The following STAG1 variants were observed in gnomAD, a reference collection of about 807,000 sequenced individuals.
The protein encoded by STAG1 is cohesin subunit SA-1.
A neutral mutation model predicts 170.9 loss-of-function variants in STAG1; 26 were observed. The observed-to-expected ratio is 0.15, with a 90% CI of 0.11 to 0.21. STAG1 has a LOEUF of 0.21. STAG1 is among the 10% of genes least tolerant of loss of function. The probability of loss-of-function intolerance (pLI) is 1.00; values close to 1 mark genes in which losing one functional copy is unlikely to be tolerated. For missense variants in STAG1, 964 were observed against 1,509.5 expected (o/e 0.64, Z 5.99); for synonymous variants, 514 against 497.7 (o/e 1.03, Z -0.44).
intron 22 of STAG1, among the ~76,000 whole-genome samples, chr3:136,384,167 T>C (rs368979053): frequency 2.0e-5 from 3 of 151,640 alleles, no homozygotes; most frequent in East Asian, 3.9e-4. Context: ...AGTAAGAAAT[T>C]TGGCTGGGTG....
chr3:136,714,324 A>T (rs1943463620), intron 1 of STAG1, among the ~76,000 whole-genome samples: 1 of 152,228 alleles, frequency 6.6e-6, no homozygotes, highest in South Asian at 2.1e-4. Context: ...GGCCAAGCAC[A>T]GTAGCTCACA....
chr3:136,419,925 TTACAG>T (rs1369783885), intron 20 of STAG1, among the ~76,000 whole-genome samples: 1 of 152,062 alleles, frequency 6.6e-6, no homozygotes, highest in Non-Finnish European at 1.5e-5. Flanking sequence ...AGCTAAATCA[TTACAG>T]TAAATAAATT....
intron 3 of STAG1, among the ~76,000 whole-genome samples, chr3:136,617,175 T>G (rs964313275): frequency 6.6e-6 from 1 of 152,220 alleles, no homozygotes; most frequent in Non-Finnish European, 1.5e-5. Context: ...TGCAATTGGT[T>G]TGTCAGTGTC....
At position 136,443,305 on chromosome 3, in the gene STAG1, G is replaced by T; in HGVS notation, c.1528C>A (p.Pro510Thr). 1 of 1,611,870 alleles carries T rather than the reference G, an allele frequency of 6.2e-7. No individual in the cohort carries two copies. Among genetic ancestry groups the T allele is most frequent in the Non-Finnish European group, 8.5e-7 (1 of 1,178,414 alleles). ...ACTATACCTTCCTCTCCTTGAACAG[G>T]TTCTTCTAATAGCAACTCTGTCATA... ...ECMTELLLEEPVQGEEAMSDR... is the reference protein window; with the variant it reads ...ECMTELLLEETVQGEEAMSDR... The change falls in exon 15 of 34, where the codon CCT (proline) becomes ACT (threonine). Residue 510 changes from proline (P) to threonine (T), a missense_variant. By Grantham distance (38) the Pro-to-Thr change is conservative (BLOSUM62 -1). This residue lies in a region of STAG1 where 162 missense variants were observed against 211.2 expected (regional missense o/e 0.77). Transcript: ENST00000383202.
chr3:136,429,852 T>A (rs912403145), intron 16 of STAG1, among the ~76,000 whole-genome samples: 1 of 152,186 alleles, frequency 6.6e-6, no homozygotes, highest in Non-Finnish European at 1.5e-5. Flanking sequence ...AGTTAATAAA[T>A]AGTAAATATA....
At chr3:136,406,639 C>G (rs2087492021) in intron 21 of STAG1, among the ~76,000 whole-genome samples, 1 of 151,928 alleles carries the variant, frequency 6.6e-6, no homozygotes, top group African/African-American at 2.4e-5. Flanking sequence ...TGATGCAAAT[C>G]CTCAGTGATA....
rs143905734 is a variant in STAG1 at position 136,545,060 on chromosome 3, T to C, written c.395-2865A>G. Among the ~76,000 whole-genome samples, 93 of 152,288 alleles carry C rather than the reference T, an allele frequency of 6.1e-4. 1 individual carries two copies. The highest frequency in any genetic ancestry group is 2.1e-3 in the African/African-American group (89 of 41,568). ...CTAACTTTTTATTTTTTTATTTCTTTTTTTTTGAGATTGTGTCTTGCTCTG... is the reference window on the plus strand; with the variant it reads ...CTAACTTTTTATTTTTTTATTTCTTCTTTTTTGAGATTGTGTCTTGCTCTG... On this transcript the variant is annotated intron_variant, in intron 5 of 33. Coordinates refer to ENST00000383202, the MANE Select transcript of STAG1 (RefSeq NM_005862.3).
intron 12 of STAG1, among the ~76,000 whole-genome samples, chr3:136,465,767 C>A (rs942123878): frequency 2.0e-5 from 3 of 151,916 alleles, no homozygotes; most frequent in African/African-American, 7.3e-5. Flanking sequence ...AATAACCAAG[C>A]AGAAAATACT....
chr3:136,441,102 A>C (rs980426341), intron 15 of STAG1, among the ~76,000 whole-genome samples: 1 of 144,000 alleles, frequency 6.9e-6, no homozygotes, highest in African/African-American at 2.6e-5. Flanking sequence ...GCGAGATCTC[A>C]GCTCACTGCA....
chr3:136,641,148 G>A, intron 1 of STAG1, among the ~76,000 whole-genome samples: 1 of 152,134 alleles, frequency 6.6e-6, no homozygotes, highest in East Asian at 1.9e-4. Flanking sequence ...AATGAAAATT[G>A]GGGGAGAAGA....
At chr3:136,577,619 G>A (rs1194308880) in intron 4 of STAG1, among the ~76,000 whole-genome samples, 1 of 151,752 alleles carries the variant, frequency 6.6e-6, no homozygotes, top group Admixed American at 6.6e-5. Flanking sequence ...CTTGAAGGGG[G>A]ATGCTCATTC....
chr3:136,570,637 C>G (rs1415196114), intron 4 of STAG1, among the ~76,000 whole-genome samples: 1 of 152,192 alleles, frequency 6.6e-6, no homozygotes, highest in Non-Finnish European at 1.5e-5. Flanking sequence ...TAATAAATCA[C>G]ACTTCCACCA....
At chr3:136,417,849 T>C in intron 21 of STAG1, 36 bp downstream of exon 21, 2 of 1,536,582 alleles carry the variant, frequency 1.3e-6, no homozygotes, top group Non-Finnish European at 1.8e-6. Flanking sequence ...AACAACTTTC[T>C]AGAGTCATAC....
intron 16 of STAG1, among the ~76,000 whole-genome samples, chr3:136,432,771 C>G (rs1253772603): frequency 6.6e-6 from 1 of 152,182 alleles, no homozygotes; most frequent in Non-Finnish European, 1.5e-5. Context: ...CTCATAAGTG[C>G]TAGGATTACA....
At chr3:136,498,233 T>TATATATATATAC in intron 9 of STAG1, among the ~76,000 whole-genome samples, 1,457 of 57,388 alleles carry the variant, frequency 0.025, 171 homozygotes, top group Admixed American at 0.07. Context: ...TATATATATA[T>TATATATATATAC]ACACATACAT....
At chr3:136,360,254 T>C (rs1441243073) in intron 26 of STAG1, among the ~76,000 whole-genome samples, 1 of 152,200 alleles carries the variant, frequency 6.6e-6, no homozygotes, top group East Asian at 1.9e-4. Flanking sequence ...CATTCCCTCC[T>C]ATGTATTAGA....
chr3:136,386,151 T>C (rs1256200752), intron 22 of STAG1, among the ~76,000 whole-genome samples: 1 of 151,840 alleles, frequency 6.6e-6, no homozygotes, highest in African/African-American at 2.4e-5. Context: ...GCCTGGACAA[T>C]ATGGTGAAAC....
chr3:136,636,569 G>C (rs1436295005), intron 1 of STAG1, among the ~76,000 whole-genome samples: 1 of 152,012 alleles, frequency 6.6e-6, no homozygotes, highest in African/African-American at 2.4e-5. Flanking sequence ...CGTCAACCAT[G>C]GGTTCTTGGA....
chr3:136,695,449 A>AG (rs1942856569), intron 1 of STAG1, among the ~76,000 whole-genome samples: 1 of 151,952 alleles, frequency 6.6e-6, no homozygotes, highest in Non-Finnish European at 1.5e-5. Context: ...AAAAAAAAAA[A>AG]AGAGAGAGAC....
Sources: allele counts gnomAD v4.1 joint callset (sites outside exome capture counted in the v4.1 genomes callset), GRCh38; gene constraint gnomAD v4.1.1; regional missense constraint gnomAD v4.1.1; transcripts MANE v1.5; gene names NCBI Gene and HGNC (gene_info 2026-07-23, HGNC 2026-07-21).